The following THSD7B variants were observed in gnomAD, a reference collection of about 807,000 sequenced individuals.
The protein encoded by THSD7B is thrombospondin type-1 domain-containing protein 7B.
In THSD7B, 138 loss-of-function variants were observed where a neutral mutation model predicts 213.6. That is an observed-to-expected ratio of 0.65 (90% confidence interval 0.56 to 0.74). The LOEUF (loss-of-function observed/expected upper bound fraction) is 0.74, where lower values mean the gene tolerates loss of function less well. Among genes scored for constraint, THSD7B ranks in the 30% least tolerant of loss-of-function variants. THSD7B has a pLI of 0.00. For missense variants in THSD7B, 1,931 were observed against 1,991.5 expected (o/e 0.97, Z 0.58); for synonymous variants, 742 against 687.0 (o/e 1.08, Z -1.25).
At chr2:136,840,942 T>C (rs1302654728) in intron 1 of THSD7B, among the ~76,000 whole-genome samples, 3 of 152,094 alleles carry the variant, frequency 2.0e-5, no homozygotes, top group Admixed American at 2.0e-4. Context: ...GATTGGATAG[T>C]TGGTGGTGCT....
intron 5 of THSD7B, among the ~76,000 whole-genome samples, chr2:137,139,563 T>A (rs180765234): frequency 6.6e-6 from 1 of 152,258 alleles, no homozygotes; most frequent in Admixed American, 6.5e-5. Context: ...TTTTTTTCTA[T>A]CTATATTTAG....
intron 2 of THSD7B, among the ~76,000 whole-genome samples, chr2:136,933,451 C>T (rs537467828): frequency 3.9e-5 from 6 of 151,982 alleles, no homozygotes; most frequent in Admixed American, 6.6e-5. Context: ...TGGTAGCTGG[C>T]GCCTGTAGTC....
At chr2:137,034,351 G>C (rs538107463) in intron 2 of THSD7B, among the ~76,000 whole-genome samples, 1 of 151,992 alleles carries the variant, frequency 6.6e-6, no homozygotes, top group Admixed American at 6.6e-5. Context: ...TGATCTGCCC[G>C]TCTCAGCCTC....
chr2:137,365,257 C>G (rs1273284052), intron 12 of THSD7B, among the ~76,000 whole-genome samples: 1 of 152,220 alleles, frequency 6.6e-6, no homozygotes, highest in Non-Finnish European at 1.5e-5. Context: ...GGATTAAAGA[C>G]TTACCTGTTA....
intron 2 of THSD7B, among the ~76,000 whole-genome samples, chr2:136,973,731 T>C (rs942557323): frequency 6.6e-6 from 1 of 152,242 alleles, no homozygotes; most frequent in Non-Finnish European, 1.5e-5. Flanking sequence ...ATTTGGTGTT[T>C]TGCATAATTA....
intron 1 of THSD7B, among the ~76,000 whole-genome samples, chr2:136,787,244 TC>T (rs897942255): frequency 5.3e-5 from 8 of 152,118 alleles, no homozygotes; most frequent in Non-Finnish European, 1.2e-4. Flanking sequence ...TCTTTTTTTT[TC>T]AAGGAAAGTT....
chr2:137,008,882 AAACT>A (rs1686169927), intron 2 of THSD7B, among the ~76,000 whole-genome samples: 1 of 152,182 alleles, frequency 6.6e-6, no homozygotes, highest in African/African-American at 2.4e-5. Context: ...CCCCACATAC[AAACT>A]ACAGTGTAAT....
intron 1 of THSD7B, among the ~76,000 whole-genome samples, chr2:136,775,350 A>G (rs1681580817): frequency 6.6e-6 from 1 of 152,128 alleles, no homozygotes; most frequent in South Asian, 2.1e-4. Flanking sequence ...GTCTGGTCTC[A>G]ATCCTTTTCT....
intron 26 of THSD7B, among the ~76,000 whole-genome samples, chr2:137,664,474 T>C (rs542882114): frequency 4.1e-4 from 63 of 152,156 alleles, no homozygotes; most frequent in Non-Finnish European, 3.7e-4. Flanking sequence ...GATATTGCAG[T>C]ATTAGGCCTG....
chr2:137,588,140 G>C, intron 17 of THSD7B, among the ~76,000 whole-genome samples: 1 of 152,178 alleles, frequency 6.6e-6, no homozygotes, highest in African/African-American at 2.4e-5. Flanking sequence ...AGCCAGGCAC[G>C]GGATATAATC....
At chr2:136,894,240 G>A (rs1683911905) in intron 2 of THSD7B, among the ~76,000 whole-genome samples, 1 of 88,250 alleles carries the variant, frequency 1.1e-5, no homozygotes, top group Non-Finnish European at 2.8e-5. Context: ...TATGTGCTAT[G>A]TTGCAAAAGA....
rs111290386 is a variant in THSD7B at position 137,220,552 on chromosome 2, G to A, written c.1724-10492G>A. 2.5e-3 allele frequency among the ~76,000 whole-genome samples: 386 copies of A among 152,322 alleles called. 3 individuals are homozygous for A. The highest frequency in any genetic ancestry group is 9.0e-3 in the African/African-American group (375 of 41,570). ...CTGGTTATACCAAGTGCTATTAAGG[G>A]TGTAGAACAGTTAGAGCAATGTAGA... is the stretch of plus-strand genomic sequence containing the variant. On this transcript the variant is annotated intron_variant, in intron 7 of 27. Transcript: ENST00000409968.
At chr2:137,497,553 T>C (rs1276472290) in intron 15 of THSD7B, among the ~76,000 whole-genome samples, 4 of 152,100 alleles carry the variant, frequency 2.6e-5, no homozygotes, top group Non-Finnish European at 4.4e-5. Flanking sequence ...ATTAAGAATA[T>C]ATATGTATCA....
intron 1 of THSD7B, among the ~76,000 whole-genome samples, chr2:136,800,772 C>CAG (rs146528799): frequency 0.18 from 26,711 of 146,718 alleles, 2,526 homozygotes; most frequent in South Asian, 0.28. Context: ...AATGGTAAGG[C>CAG]AGAGAGAGAG....
chr2:137,026,463 G>C (rs1420294268), intron 2 of THSD7B, among the ~76,000 whole-genome samples: 4 of 152,116 alleles, frequency 2.6e-5, no homozygotes, highest in African/African-American at 4.8e-5. Context: ...TTGGGAAAAG[G>C]ATTACCTTAA....
chr2:137,675,781 A>G (rs1470477), intron 27 of THSD7B, among the ~76,000 whole-genome samples: 146,961 of 152,114 alleles, frequency 0.97, 71,201 homozygotes, highest in East Asian at 1. Context: ...CCTTGAGGAG[A>G]GAGGATAAGT....
intron 6 of THSD7B, among the ~76,000 whole-genome samples, chr2:137,167,794 C>G: frequency 6.6e-6 from 1 of 152,136 alleles, no homozygotes; most frequent in East Asian, 1.9e-4. Flanking sequence ...TATGGCTCTC[C>G]CCTGCTGTGC....
At chr2:137,541,390 T>A (rs1680607280) in intron 15 of THSD7B, among the ~76,000 whole-genome samples, 1 of 151,746 alleles carries the variant, frequency 6.6e-6, no homozygotes, top group African/African-American at 2.4e-5. Flanking sequence ...AGGAGACAAC[T>A]ATTTTTCAAA....
chr2:137,053,218 A>G (rs1462393997), intron 2 of THSD7B, among the ~76,000 whole-genome samples: 1 of 152,184 alleles, frequency 6.6e-6, no homozygotes, highest in Non-Finnish European at 1.5e-5. Flanking sequence ...TCCAAAATTA[A>G]TATAGCTTAA....
Sources: gnomAD v4.1 joint callset for allele counts (sites outside exome capture counted in the v4.1 genomes callset) on GRCh38, gnomAD v4.1.1 for gene constraint, MANE v1.5 for transcripts, NCBI Gene and HGNC (gene_info 2026-07-23, HGNC 2026-07-21) for gene names.